SLC45A3: variants seen among roughly 807,000 people sequenced by gnomAD.
The protein encoded by SLC45A3 is prostate cancer associated protein 2.
SLC45A3 carries 17 observed loss-of-function variants against 35.3 expected under a neutral mutation model. The observed-to-expected ratio is 0.48, with a 90% CI of 0.33 to 0.72. The LOEUF (loss-of-function observed/expected upper bound fraction) is 0.72, where lower values mean the gene tolerates loss of function less well. SLC45A3 is among the 30% of genes least tolerant of loss of function. The probability of loss-of-function intolerance (pLI) is 0.02; values close to 1 mark genes in which losing one functional copy is unlikely to be tolerated. For missense variants in SLC45A3, 597 were observed against 731.7 expected (o/e 0.82, Z 2.12); for synonymous variants, 288 against 334.3 (o/e 0.86, Z 1.51).
Position 205,658,692 on chromosome 1 carries a change from GTTC to G in SLC45A3, c.*539_*541del, listed in dbSNP as rs1670963872. The G allele has an allele frequency of 1.3e-5, 3 of 235,872 alleles. No individual in the cohort carries two copies. The East Asian group carries it at 1.8e-4, about 14-fold the overall frequency. 14.6% of individuals were successfully genotyped at this position (235,872 alleles called of 1,614,324 possible). A position where few individuals can be genotyped will look rare whatever the true frequency, so the allele number is the denominator to read the frequency against. Reference sequence around the variant, plus strand: ...CAGTGCTGTGGGCTGAGGGGACCTGGTTCTTGTGTGTTGCCCCTCAGGACTCTT... The same window carrying G: ...CAGTGCTGTGGGCTGAGGGGACCTGGTTGTGTGTTGCCCCTCAGGACTCTT... On this transcript the variant is annotated 3_prime_UTR_variant, in exon 5 of 5. Coordinates refer to ENST00000367145, the MANE Select transcript of SLC45A3 (RefSeq NM_033102.3).
At chr1:205,673,753 G>C (rs1671254294) in intron 1 of SLC45A3, among the ~76,000 whole-genome samples, 2 of 152,210 alleles carry the variant, frequency 1.3e-5, no homozygotes, top group Non-Finnish European at 2.9e-5. Context: ...TCAGTACTCT[G>C]CAAGTGTGTT....
At chr1:205,668,722 G>C in intron 1 of SLC45A3, among the ~76,000 whole-genome samples, 1 of 152,154 alleles carries the variant, frequency 6.6e-6, no homozygotes, top group East Asian at 1.9e-4. Context: ...TGACCTCTCA[G>C]AAACGCAAGG....
In SLC45A3 at chr1:205,657,906, T is replaced by C; in HGVS notation, c.*1328A>G. ...ACCATAAACATTATACTCTGATTGC[T>C]CACTTACAGTATAAAATATTCACCC... On this transcript the variant is annotated 3_prime_UTR_variant, in exon 5 of 5. Transcript: ENST00000367145. 1 of 210,450 alleles carries C rather than the reference T, an allele frequency of 4.8e-6. No homozygotes were observed. The highest frequency in any genetic ancestry group is 9.7e-6 in the Non-Finnish European group (1 of 103,424). The allele number at this position is 210,450 out of a possible 1,614,324, so 13.0% of individuals were successfully genotyped here.
chr1:205,662,044 C>A lies in SLC45A3; in HGVS notation c.1041G>T (p.Gln347His). 6.2e-7 allele frequency: 1 copy of A among 1,613,830 alleles called. No individual in the cohort carries two copies. The highest frequency in any genetic ancestry group is 8.5e-7 in the Non-Finnish European group (1 of 1,179,994). Residue 347 changes from glutamine (Q) to histidine (H), a missense_variant, in exon 4 of 5, where the codon CAG (glutamine) becomes CAT (histidine). This residue lies in a region of SLC45A3 where 555 missense variants were observed against 664.9 expected (regional missense o/e 0.83). Coordinates refer to ENST00000367145, the MANE Select transcript of SLC45A3 (RefSeq NM_033102.3). This position sits in a 1 kb window ranked among gnomAD's most constrained non-coding sequence, Gnocchi z 6.2. ...VFSLVMDRLV[Q>H]RFGTRAVYLA... is the part of the protein sequence containing the mutation. ...AATAGACTGCTCGAGTGCCGAATCG[C>A]TGCACCAGCCGGTCCATGACCAGAG...
intron 1 of SLC45A3, among the ~76,000 whole-genome samples, chr1:205,675,927 C>T (rs1406906685): frequency 6.6e-6 from 1 of 152,310 alleles, no homozygotes; most frequent in East Asian, 1.9e-4. Flanking sequence ...CTTGGATTTG[C>T]AGTCCTTCCC....
In SLC45A3 at chr1:205,661,841, A is replaced by C. The variant is rs1279744541; in HGVS notation, c.1224+20T>G. On this transcript the variant is annotated intron_variant, in intron 4 of 4. Transcript: ENST00000367145. Reference sequence around the variant, plus strand: ...AGACCACCCCTCCCACCCTGACTCCACCCACTGGCCAATGAGTACCTGCTT... The same window carrying C: ...AGACCACCCCTCCCACCCTGACTCCCCCCACTGGCCAATGAGTACCTGCTT... The C allele has an allele frequency of 5.6e-6, 9 of 1,600,156 alleles. No individual in the cohort carries two copies. Among genetic ancestry groups the C allele is most frequent in the Non-Finnish European group, 7.7e-6 (9 of 1,170,276 alleles).
chr1:205,678,691 AC>A (rs1401746066), intron 1 of SLC45A3, among the ~76,000 whole-genome samples: 2 of 152,228 alleles, frequency 1.3e-5, no homozygotes, highest in Non-Finnish European at 2.9e-5. Flanking sequence ...CCACAGCTGT[AC>A]ATTCATCCAC....
In SLC45A3 at chr1:205,663,605, C is replaced by A; in HGVS notation, c.186G>T (p.Val62=). 4 of 1,584,622 alleles carry A rather than the reference C, an allele frequency of 2.5e-6. No individual in the cohort carries two copies. Among genetic ancestry groups the A allele is most frequent in the Non-Finnish European group, 3.4e-6 (4 of 1,166,848 alleles). The part of the protein sequence containing the change: ...FMTMVLGIGP[V]LGLVCVPLLG... The stretch of plus-strand genomic sequence containing the variant: ...GGAGCGGGACACAGACCAGGCCCAG[C>A]ACTGGACCAATGCCTGCAAGAAGGG... The change falls in exon 3 of 5, where the codon GTG becomes GTT. Residue 62 remains valine (V), a synonymous_variant. Coordinates refer to ENST00000367145, the MANE Select transcript of SLC45A3 (RefSeq NM_033102.3).
rs1480602487 is a variant in SLC45A3 at position 205,662,688 on chromosome 1, C to T, written c.958+145G>A. ...AGAGATGTTCCACACCCATGAGAAG[C>T]CGTGTATGCAGATGGGGTCCATCCC... On this transcript the variant is annotated intron_variant, in intron 3 of 4. Transcript: ENST00000367145. The surrounding 1 kb of genome is among the most constrained non-coding windows in gnomAD (Gnocchi z 6.2). 19 of 1,430,632 alleles carry T rather than the reference C, an allele frequency of 1.3e-5. No individual in the cohort carries two copies. The highest frequency in any genetic ancestry group is 8.4e-5 in the Admixed American group (3 of 35,602). The allele number at this position is 1,430,632 out of a possible 1,614,324, so 88.6% of individuals were successfully genotyped here. A position where few individuals can be genotyped will look rare whatever the true frequency, so the allele number is the denominator to read the frequency against.
In SLC45A3 at chr1:205,659,816, C is replaced by A; in HGVS notation, c.1225-145G>T. The A allele has an allele frequency of 2.6e-6, 2 of 776,700 alleles. No homozygotes were observed. The highest frequency in any genetic ancestry group is 2.5e-5 in the South Asian group (1 of 40,632). 48.1% of individuals were successfully genotyped at this position (776,700 alleles called of 1,614,324 possible). ...TCAGGAGCAGGAGAGAAGATGGAGA[C>A]CCTACTTGGTCCAAGTCTAACCAGG... is the stretch of plus-strand genomic sequence containing the variant. On this transcript the variant is annotated intron_variant, in intron 4 of 4. Coordinates refer to ENST00000367145, the MANE Select transcript of SLC45A3 (RefSeq NM_033102.3). The surrounding 1 kb of genome is among the most constrained non-coding windows in gnomAD (Gnocchi z 5.8).
chr1:205,674,995 C>T (rs1671287731), intron 1 of SLC45A3, among the ~76,000 whole-genome samples: 1 of 152,194 alleles, frequency 6.6e-6, no homozygotes, highest in African/African-American at 2.4e-5. Flanking sequence ...GGATTACAGG[C>T]GTGAGCCACC....
rs1671055715 is a variant in SLC45A3, at chr1:205,662,975, G to A, written c.816C>T (p.Arg272=). ...TGCACAGCTCAGCCACGAAGAGCCG[G>A]CGCAGGGTGCGGGGCATGCGGCAGC... The part of the protein sequence containing the change: ...QLCCRMPRTL[R]RLFVAELCSW... The change falls in exon 3 of 5, where the codon CGC becomes CGT. Residue 272 remains arginine, a synonymous_variant. Coordinates refer to ENST00000367145, the MANE Select transcript of SLC45A3 (RefSeq NM_033102.3). The surrounding 1 kb of genome is among the most constrained non-coding windows in gnomAD (Gnocchi z 6.2). 6.2e-7 allele frequency: 1 copy of A among 1,613,560 alleles called. No individual in the cohort carries two copies. Among genetic ancestry groups the A allele is most frequent in the Non-Finnish European group, 8.5e-7 (1 of 1,179,960 alleles).
chr1:205,671,870 A>AAACC (rs1377323359), intron 1 of SLC45A3, among the ~76,000 whole-genome samples: 1 of 151,654 alleles, frequency 6.6e-6, no homozygotes, highest in African/African-American at 2.4e-5. Flanking sequence ...TGTCTCAAAC[A>AAACC]AACAAAAAAC....
intron 1 of SLC45A3, among the ~76,000 whole-genome samples, chr1:205,678,369 T>A (rs1467308391): frequency 6.6e-6 from 1 of 152,198 alleles, no homozygotes; most frequent in Non-Finnish European, 1.5e-5. Flanking sequence ...TGTTGACTTA[T>A]CAGGCTGTGA....
rs945843467 is a variant in SLC45A3, at chr1:205,675,908, C to T, written c.-231+4486G>A. ...CCCAGGGTTGGACGCTGCCCACGGT[C>T]CTCAGGGTCTTGGATTTGCAGTCCT... On this transcript the variant is annotated intron_variant, in intron 1 of 4. Transcript: ENST00000367145. Among the ~76,000 whole-genome samples, 3 of 152,168 alleles carry T rather than the reference C, an allele frequency of 2.0e-5. No individual in the cohort carries two copies. The South Asian group carries it at 6.2e-4, about 32-fold the overall frequency.
chr1:205,676,287 T>G (rs1671313980), intron 1 of SLC45A3, among the ~76,000 whole-genome samples: 1 of 152,138 alleles, frequency 6.6e-6, no homozygotes, highest in African/African-American at 2.4e-5. Flanking sequence ...CAAGAACTGC[T>G]GTTGTGGGCT....
chr1:205,667,706 T>C (rs1435429553), intron 1 of SLC45A3, among the ~76,000 whole-genome samples: 2 of 151,446 alleles, frequency 1.3e-5, no homozygotes, highest in Non-Finnish European at 2.9e-5. Context: ...CTCTAAAAAA[T>C]AAAAAAATAA....
chr1:205,668,243 C>A (rs1315111762), intron 1 of SLC45A3, among the ~76,000 whole-genome samples: 1 of 152,112 alleles, frequency 6.6e-6, no homozygotes, highest in Non-Finnish European at 1.5e-5. Flanking sequence ...GTCATTTCAT[C>A]CCTCCTCCAG....
intron 1 of SLC45A3, among the ~76,000 whole-genome samples, chr1:205,670,608 T>C (rs1671195032): frequency 6.6e-6 from 1 of 152,110 alleles, no homozygotes; most frequent in African/African-American, 2.4e-5. Flanking sequence ...GGATTTAGAG[T>C]TCGCCCTGCT....
Sources: allele counts gnomAD v4.1 joint callset (sites outside exome capture counted in the v4.1 genomes callset), GRCh38; gene constraint gnomAD v4.1.1; regional missense constraint gnomAD v4.1.1; non-coding constraint Gnocchi (gnomAD v3.1); transcripts MANE v1.5; gene names NCBI Gene and HGNC (gene_info 2026-07-23, HGNC 2026-07-21).